NKAIN3: variants seen among roughly 807,000 people sequenced by gnomAD.
NKAIN3 encodes sodium/potassium-transporting ATPase subunit beta-1-interacting protein 3.
NKAIN3 carries 25 observed loss-of-function variants against 30.2 expected under a neutral mutation model. That is an observed-to-expected ratio of 0.83 (90% CI 0.60 to 1.16). NKAIN3 has a LOEUF of 1.16. Ranked by LOEUF, NKAIN3 falls within the 50% of genes most tolerant of loss-of-function variation. NKAIN3 has a pLI of 0.00. For missense variants in NKAIN3, 225 were observed against 254.1 expected, an observed-to-expected ratio of 0.89 and a Z score of 0.78; for synonymous variants, 91 against 89.6, an observed-to-expected ratio of 1.02 and a Z score of -0.09.
chr8:62,778,378 T>C lies in NKAIN3; in HGVS notation c.471+31249T>C, dbSNP rs1467813717. Among the ~76,000 whole-genome samples, 3 of 152,132 alleles carry C rather than the reference T, an allele frequency of 2.0e-5. No individual in the cohort carries two copies. The East Asian group carries it at 5.8e-4, about 29-fold the overall frequency. On this transcript the variant is annotated intron_variant, in intron 4 of 6. Transcript: ENST00000623646. ...GAAACTTAAGGAATCTACCAGATAC[T>C]GTATGCTACGGCAGCTGAGCTGGCA...
intron 1 of NKAIN3, among the ~76,000 whole-genome samples, chr8:62,328,586 C>A (rs535777319): frequency 6.6e-6 from 1 of 151,938 alleles, no homozygotes; most frequent in South Asian, 2.1e-4. Flanking sequence ...CCTCATTGCA[C>A]CAGATGTCTT....
At position 62,918,481 on chromosome 8, in the gene NKAIN3, T is replaced by C; in HGVS notation, c.500T>C (p.Val167Ala). The C allele has an allele frequency of 6.2e-7, 1 of 1,613,298 alleles. No homozygotes were observed. Among genetic ancestry groups the C allele is most frequent in the Non-Finnish European group, 8.5e-7 (1 of 1,179,364 alleles). Residue 167 changes from valine (V) to alanine (A), a missense_variant, in exon 5 of 7, where the codon GTG becomes GCG. By Grantham distance (64) the Val-to-Ala change is moderately conservative. Coordinates refer to ENST00000623646, the MANE Select transcript of NKAIN3 (RefSeq NM_001304533.3). ...SLVGFVYACY[V>A]ISISMEEEDT... Reference sequence around the variant, plus strand: ...GTGGGTTTTGTGTATGCCTGTTATGTGATCAGTATTTCCATGGAAGAAGAA... The same window carrying C: ...GTGGGTTTTGTGTATGCCTGTTATGCGATCAGTATTTCCATGGAAGAAGAA...
chr8:62,913,336 T>C (rs1226463996), intron 4 of NKAIN3, among the ~76,000 whole-genome samples: 4 of 152,230 alleles, frequency 2.6e-5, no homozygotes, highest in African/African-American at 9.6e-5. Flanking sequence ...AGCACAAATA[T>C]GTGAGTGTTG....
intron 1 of NKAIN3, among the ~76,000 whole-genome samples, chr8:62,291,153 C>A (rs1286672743): frequency 6.6e-6 from 1 of 152,052 alleles, no homozygotes; most frequent in Non-Finnish European, 1.5e-5. Context: ...GTCTTGCTAG[C>A]AGTCCATCAA....
intron 1 of NKAIN3, among the ~76,000 whole-genome samples, chr8:62,313,120 G>A (rs1271789655): frequency 6.6e-6 from 1 of 151,534 alleles, no homozygotes; most frequent in Non-Finnish European, 1.5e-5. Context: ...ACCAAGTATT[G>A]TTTCCAGAAA....
intron 3 of NKAIN3, among the ~76,000 whole-genome samples, chr8:62,627,792 A>G (rs548824356): frequency 5.9e-5 from 9 of 152,234 alleles, no homozygotes; most frequent in Admixed American, 3.9e-4. Flanking sequence ...GGAAAGACCA[A>G]TGTGGTAGGA....
intron 3 of NKAIN3, among the ~76,000 whole-genome samples, chr8:62,699,560 G>A (rs1201219517): frequency 6.6e-6 from 1 of 152,172 alleles, no homozygotes; most frequent in Non-Finnish European, 1.5e-5. Context: ...TCATTTGGCA[G>A]TGATGAGGAG....
At chr8:62,672,721 G>A (rs1390528485) in intron 3 of NKAIN3, among the ~76,000 whole-genome samples, 1 of 152,034 alleles carries the variant, frequency 6.6e-6, no homozygotes, top group Admixed American at 6.6e-5. Flanking sequence ...ACCTTTTCCT[G>A]AATGACTCTT....
chr8:62,257,526 A>T (rs1295555060), intron 1 of NKAIN3, among the ~76,000 whole-genome samples: 1 of 152,168 alleles, frequency 6.6e-6, no homozygotes, highest in Non-Finnish European at 1.5e-5. Context: ...AATCTTCCTT[A>T]AGTGGAAACT....
intron 1 of NKAIN3, among the ~76,000 whole-genome samples, chr8:62,336,826 C>T (rs192951079): frequency 1.3e-5 from 2 of 152,038 alleles, no homozygotes; most frequent in Admixed American, 6.6e-5. Context: ...GGTCCACAAC[C>T]GAAGTCAGCA....
chr8:62,720,993 C>T (rs1224588658), intron 3 of NKAIN3, among the ~76,000 whole-genome samples: 1 of 152,130 alleles, frequency 6.6e-6, no homozygotes, highest in South Asian at 2.1e-4. Flanking sequence ...TAGAGAGCCA[C>T]GTAAGAGCAT....
At chr8:62,540,363 C>A (rs977859462) in intron 1 of NKAIN3, among the ~76,000 whole-genome samples, 1 of 152,174 alleles carries the variant, frequency 6.6e-6, no homozygotes, top group African/African-American at 2.4e-5. Context: ...ACTACCTACC[C>A]AGTATAAGTA....
intron 3 of NKAIN3, among the ~76,000 whole-genome samples, chr8:62,725,287 T>TAG (rs1188689680): frequency 6.6e-6 from 1 of 152,158 alleles, no homozygotes; most frequent in East Asian, 1.9e-4. Flanking sequence ...ATTAATCAGA[T>TAG]AGATAGTTTG....
chr8:62,248,986 G>A lies in NKAIN3; in HGVS notation c.-88G>A, dbSNP rs553027610. 2.4e-6 allele frequency: 3 copies of A among 1,262,564 alleles called. No homozygotes were observed. The highest frequency in any genetic ancestry group is 1.5e-5 in the African/African-American group (1 of 64,802). The allele number at this position is 1,262,564 out of a possible 1,614,324, so 78.2% of individuals were successfully genotyped here. The stretch of plus-strand genomic sequence containing the variant: ...GGGGCCGAGGAGCCTGGGCCGGGCC[G>A]GGCGGGGACTACTCCGGAGTCAGGA... On this transcript the variant is annotated 5_prime_UTR_variant, in exon 1 of 7. Coordinates refer to ENST00000623646, the MANE Select transcript of NKAIN3 (RefSeq NM_001304533.3).
rs528287259 is a variant in NKAIN3 at position 62,978,719 on chromosome 8, G to A, written c.*13312G>A. ...TGGTTTCAGCCCCCTTTCCAGGGGA[G>A]TGAATGGTTCTGTCTCTCTGGCATT... On this transcript the variant is annotated 3_prime_UTR_variant, in exon 7 of 7. Transcript: ENST00000623646. 46 of 153,238 alleles carry A rather than the reference G, an allele frequency of 3.0e-4. 2 individuals carry two copies. The highest frequency in any genetic ancestry group is 5.5e-4 in the Non-Finnish European group (38 of 68,486). The allele number at this position is 153,238 out of a possible 1,614,324, so 9.5% of individuals were successfully genotyped here. A position where few individuals can be genotyped will look rare whatever the true frequency, so the allele number is the denominator to read the frequency against.
rs1554551940 is a variant in NKAIN3, at chr8:62,595,384, T to TTTC, written c.273+5592_273+5593insCTT. Among the ~76,000 whole-genome samples the TTTC allele has an allele frequency of 3.7e-3, 433 of 115,856 alleles. 3 individuals carry two copies. Among genetic ancestry groups the TTTC allele is most frequent in the African/African-American group, 0.01 (375 of 37,116 alleles). 76.0% of individuals were successfully genotyped at this position (115,856 alleles called of 152,430 possible). On this transcript the variant is annotated intron_variant, in intron 3 of 6. Transcript: ENST00000623646. Reference sequence around the variant, plus strand: ...TTGGGGTTTTTTGGGGCTATTTTCTTTTTTTTTTTTTTTTTTTGCAGTTGC... The same window carrying TTTC: ...TTGGGGTTTTTTGGGGCTATTTTCTTTTCTTTTTTTTTTTTTTTTTGCAGTTGC...
At chr8:62,302,954 C>T (rs1814103055) in intron 1 of NKAIN3, among the ~76,000 whole-genome samples, 1 of 150,194 alleles carries the variant, frequency 6.7e-6, no homozygotes, top group Non-Finnish European at 1.5e-5. Flanking sequence ...AACACAGTGG[C>T]CTCTTGACAC....
intron 6 of NKAIN3, among the ~76,000 whole-genome samples, chr8:62,959,144 T>C (rs1044098647): frequency 6.6e-6 from 1 of 152,182 alleles, no homozygotes; most frequent in Non-Finnish European, 1.5e-5. Context: ...GAGTGGCTGC[T>C]ATTGCAACTA....
At chr8:62,940,672 G>A (rs1372351908) in intron 5 of NKAIN3, among the ~76,000 whole-genome samples, 3 of 152,192 alleles carry the variant, frequency 2.0e-5, no homozygotes, top group Non-Finnish European at 4.4e-5. Flanking sequence ...AATAATTGCT[G>A]GGTCAACAAT....
Sources: allele counts gnomAD v4.1 joint callset (sites outside exome capture counted in the v4.1 genomes callset), GRCh38; gene constraint gnomAD v4.1.1; transcripts MANE v1.5; gene names NCBI Gene and HGNC (gene_info 2026-07-23, HGNC 2026-07-21).